The following TBCK variants were observed in gnomAD, a reference collection of about 807,000 sequenced individuals.
The protein encoded by TBCK is TBC1 domain containing kinase, also known as TBC domain-containing protein kinase-like protein.
A neutral mutation model predicts 113.4 loss-of-function variants in TBCK; 99 were observed. The ratio of observed to expected loss-of-function variants is 0.87; its 90% CI spans 0.74 to 1.03. The LOEUF is 1.03. Among genes scored for constraint, TBCK ranks in the 50% least tolerant of loss-of-function variants. The probability of loss-of-function intolerance (pLI) is 0.00; values close to 1 mark genes in which losing one functional copy is unlikely to be tolerated. For synonymous variants in TBCK, 369 were observed against 370.8 expected, an observed-to-expected ratio of 1.00 and a Z score of 0.05; for missense variants, 1,045 against 1,061.3, an observed-to-expected ratio of 0.98 and a Z score of 0.21.
At chr4:106,131,305 C>A (rs1745891444) in intron 23 of TBCK, among the ~76,000 whole-genome samples, 1 of 152,198 alleles carries the variant, frequency 6.6e-6, no homozygotes, top group African/African-American at 2.4e-5. Flanking sequence ...TCATTATTAG[C>A]AGCATGAAAA....
chr4:106,316,263 C>A (rs1167276471), upstream of TBCK: 1 of 343,426 alleles, frequency 2.9e-6, no homozygotes, highest in Non-Finnish European at 5.4e-6. Context: ...CGCGACCCAA[C>A]GCTGAGGAAA....
At chr4:106,160,716 C>CA (rs1406206941) in intron 23 of TBCK, among the ~76,000 whole-genome samples, 2 of 151,934 alleles carry the variant, frequency 1.3e-5, no homozygotes, top group Non-Finnish European at 2.9e-5. Flanking sequence ...GGCAGTTCCT[C>CA]AAAAAACTAA....
chr4:106,303,155 G>A (rs1767126571), intron 2 of TBCK, among the ~76,000 whole-genome samples: 1 of 152,156 alleles, frequency 6.6e-6, no homozygotes, highest in African/African-American at 2.4e-5. Flanking sequence ...ACCCTACACA[G>A]TGGCCCTGAC....
intron 22 of TBCK, 131 bp from the exon 23 acceptor site, chr4:106,171,401 G>GT (rs1355813739): frequency 3.8e-5 from 23 of 609,108 alleles, no homozygotes; most frequent in Middle Eastern, 4.5e-4. Flanking sequence ...AAAAATGTCA[G>GT]TAAAAAAAAC....
At chr4:106,137,899 G>T (rs1025571526) in intron 23 of TBCK, among the ~76,000 whole-genome samples, 1 of 140,236 alleles carries the variant, frequency 7.1e-6, no homozygotes, top group African/African-American at 2.5e-5. Flanking sequence ...TTTGCTATAC[G>T]GTATCATTCT....
rs1762567752 is a variant in TBCK at position 106,262,146 on chromosome 4, A to C, written c.333T>G (p.Gly111=). 1.3e-6 allele frequency: 2 copies of C among 1,548,514 alleles called. No homozygotes were observed. The highest frequency in any genetic ancestry group is 2.0e-5 in the Admixed American group (1 of 50,898). Residue 111 remains glycine, a synonymous_variant, in exon 4 of 26, where the codon GGT becomes GGG. Coordinates refer to ENST00000394708, the MANE Select transcript of TBCK (RefSeq NM_001163435.3). The part of the protein sequence containing the change: ...LQGLQYMNKH[G]IVHRALSPHN... ...GAGGAGACAATGCCCTGTGTACTAT[A>C]CCATGTTTGTTCATATACTGCAAGC... is the stretch of plus-strand genomic sequence containing the variant.
chr4:106,090,072 C>T (rs1740032837), intron 25 of TBCK, among the ~76,000 whole-genome samples: 1 of 152,230 alleles, frequency 6.6e-6, no homozygotes, highest in African/African-American at 2.4e-5. Context: ...TATAGTTTCT[C>T]TGTGGGGGCT....
At chr4:106,305,457 G>A (rs1560998182) in intron 2 of TBCK, among the ~76,000 whole-genome samples, 1 of 151,746 alleles carries the variant, frequency 6.6e-6, no homozygotes, top group Non-Finnish European at 1.5e-5. Flanking sequence ...ATTGCTCTGT[G>A]GTCTAAAGTC....
chr4:106,290,365 G>C (rs1765569229), intron 3 of TBCK, among the ~76,000 whole-genome samples: 1 of 152,040 alleles, frequency 6.6e-6, no homozygotes, highest in South Asian at 2.1e-4. Flanking sequence ...TTTTAGTAGA[G>C]ACAGGGTTTC....
At chr4:106,232,790 G>T in intron 17 of TBCK, 148 bp downstream of exon 17, 1 of 639,902 alleles carries the variant, frequency 1.6e-6, no homozygotes, top group Non-Finnish European at 2.5e-6. Context: ...AAAAATGTTT[G>T]GATGTAAACC....
intron 2 of TBCK, among the ~76,000 whole-genome samples, chr4:106,305,196 T>C (rs75353337): frequency 0.027 from 4,097 of 152,280 alleles, 179 homozygotes; most frequent in African/African-American, 0.094. Flanking sequence ...ATGTACTATA[T>C]ATAAAATACT....
chr4:106,303,866 G>C (rs183461774), intron 2 of TBCK, among the ~76,000 whole-genome samples: 7 of 152,106 alleles, frequency 4.6e-5, no homozygotes, highest in Admixed American at 3.9e-4. Flanking sequence ...AAGGGTTTTC[G>C]TGTCCTCTGC....
intron 23 of TBCK, among the ~76,000 whole-genome samples, chr4:106,130,568 A>T (rs1745767958): frequency 6.7e-6 from 1 of 149,314 alleles, no homozygotes; most frequent in Non-Finnish European, 1.5e-5. Context: ...TAAATTAATT[A>T]TGGACCACTT....
intron 20 of TBCK, among the ~76,000 whole-genome samples, chr4:106,205,265 C>T (rs762472399): frequency 3.3e-5 from 5 of 151,982 alleles, no homozygotes; most frequent in Non-Finnish European, 7.4e-5. Context: ...TAATGAAATG[C>T]TTCATAGTTG....
intron 17 of TBCK, among the ~76,000 whole-genome samples, chr4:106,232,514 GA>G (rs140784318): frequency 0.032 from 4,846 of 151,162 alleles, 247 homozygotes; most frequent in African/African-American, 0.11. Context: ...AAAGATACAA[GA>G]AAAAAAAGAC....
rs377429271 is a variant in TBCK at position 106,254,755 on chromosome 4, A to T, written c.456-2748T>A. On this transcript the variant is annotated intron_variant, in intron 5 of 25. Coordinates refer to ENST00000394708, the MANE Select transcript of TBCK (RefSeq NM_001163435.3). ...CTTTATTGAAACCTCTTTCTCCCCA[A>T]GTAGTGCCAGCCGTATACTAAATCA... Among the ~76,000 whole-genome samples, 328 of 152,194 alleles carry T rather than the reference A, an allele frequency of 2.2e-3. 2 individuals are homozygous for T. Among genetic ancestry groups the T allele is most frequent in the African/African-American group, 6.9e-3 (286 of 41,558 alleles).
chr4:106,217,273 CA>C (rs1314571257), intron 19 of TBCK, among the ~76,000 whole-genome samples: 4 of 152,188 alleles, frequency 2.6e-5, no homozygotes, highest in African/African-American at 4.8e-5. Context: ...ACTGAATGGG[CA>C]AAAACTGGAA....
At chr4:106,091,225 G>C (rs1287538886) in intron 25 of TBCK, among the ~76,000 whole-genome samples, 2 of 152,234 alleles carry the variant, frequency 1.3e-5, no homozygotes, top group African/African-American at 4.8e-5. Context: ...CAGGGAGCCA[G>C]CATGTCACAT....
intron 1 of TBCK, among the ~76,000 whole-genome samples, chr4:106,311,036 T>A (rs979244495): frequency 1.3e-5 from 2 of 152,046 alleles, no homozygotes; most frequent in African/African-American, 2.4e-5. Context: ...CCACAAAAAA[T>A]TTTTATCTAC....
Sources: gnomAD v4.1 joint callset for allele counts (sites outside exome capture counted in the v4.1 genomes callset) on GRCh38, gnomAD v4.1.1 for gene constraint, MANE v1.5 for transcripts, NCBI Gene and HGNC (gene_info 2026-07-23, HGNC 2026-07-21) for gene names.